Variants in CDH13 observed in about 807,000 individuals in gnomAD.
The protein encoded by CDH13 is cadherin-13.
In CDH13, 24 loss-of-function variants were observed where a neutral mutation model predicts 63.8. That is an observed-to-expected ratio of 0.38 (90% CI 0.27 to 0.53). The LOEUF (loss-of-function observed/expected upper bound fraction) is 0.53, where lower values mean the gene tolerates loss of function less well. Ranked by LOEUF, CDH13 falls within the 20% of genes least tolerant of loss-of-function variation. The pLI is 0.85. For synonymous variants in CDH13, 503 were observed against 355.3 expected (o/e 1.42, Z -4.67); for missense variants, 1,049 against 903.1 (o/e 1.16, Z -2.07).
intron 10 of CDH13, among the ~76,000 whole-genome samples, chr16:83,698,873 A>G (rs1655039734): frequency 6.6e-6 from 1 of 152,240 alleles, no homozygotes; most frequent in Non-Finnish European, 1.5e-5. Context: ...AAGCTGCCAC[A>G]TCTGTGAATA....
At chr16:82,825,666 C>A (rs1408679033) in intron 1 of CDH13, 1 of 151,840 alleles carries the variant, frequency 6.6e-6, no homozygotes, top group Non-Finnish European at 1.5e-5. Context: ...CTGCCTCAGC[C>A]TCCCAAATAG....
At chr16:83,637,190 C>G (rs1261093836) in intron 8 of CDH13, among the ~76,000 whole-genome samples, 2 of 152,128 alleles carry the variant, frequency 1.3e-5, no homozygotes, top group East Asian at 3.9e-4. Context: ...AAACATAACT[C>G]ATTTCCATTG....
rs1183025177 is a variant in CDH13, at chr16:83,798,323, G to T, written c.*3293G>T. ...GCACCCAGGCACGAGCTCTCCAGAT[G>T]ATTCTGAGGAAAGGAGTCTACAATT... On this transcript the variant is annotated 3_prime_UTR_variant, in exon 14 of 14. Transcript: ENST00000567109. The T allele has an allele frequency of 6.6e-6, 1 of 152,210 alleles. No individual in the cohort carries two copies. The highest frequency in any genetic ancestry group is 2.4e-5 in the African/African-American group (1 of 41,438). 9.4% of individuals were successfully genotyped at this position (152,210 alleles called of 1,614,324 possible).
At chr16:83,237,287 C>T (rs1266278090) in intron 5 of CDH13, among the ~76,000 whole-genome samples, 1 of 152,184 alleles carries the variant, frequency 6.6e-6, no homozygotes, top group Non-Finnish European at 1.5e-5. Context: ...ACGGTCACAG[C>T]CTAGTGACCC....
chr16:82,790,552 T>C (rs1264465492), intron 1 of CDH13, among the ~76,000 whole-genome samples: 1 of 152,118 alleles, frequency 6.6e-6, no homozygotes, highest in Non-Finnish European at 1.5e-5. Flanking sequence ...CAAGTGAAAA[T>C]AAAGCATATC....
intron 2 of CDH13, among the ~76,000 whole-genome samples, chr16:82,916,410 C>T (rs2151273509): frequency 6.6e-6 from 1 of 152,158 alleles, no homozygotes; most frequent in East Asian, 1.9e-4. Context: ...CCCGTCTCTA[C>T]TAAAAATACA....
At chr16:83,320,839 C>T (rs1017763602) in intron 5 of CDH13, among the ~76,000 whole-genome samples, 2 of 152,036 alleles carry the variant, frequency 1.3e-5, no homozygotes, top group East Asian at 1.9e-4. Flanking sequence ...GCTTAGGCTA[C>T]GAGAGTTGGA....
intron 7 of CDH13, among the ~76,000 whole-genome samples, chr16:83,548,409 C>T (rs896507817): frequency 2.0e-5 from 3 of 152,130 alleles, no homozygotes; most frequent in Non-Finnish European, 4.4e-5. Flanking sequence ...TCCTACAATG[C>T]AAAGGGCAGC....
chr16:83,716,399 A>C (rs1382105875), intron 10 of CDH13, among the ~76,000 whole-genome samples: 1 of 152,188 alleles, frequency 6.6e-6, no homozygotes, highest in Non-Finnish European at 1.5e-5. Flanking sequence ...TCAGAACTCT[A>C]AATATCCCGT....
intron 4 of CDH13, among the ~76,000 whole-genome samples, chr16:83,209,295 C>T (rs1334547799): frequency 2.6e-5 from 4 of 152,178 alleles, no homozygotes; most frequent in Non-Finnish European, 4.4e-5. Context: ...TTCCATGGGA[C>T]AGGCCAGGGG....
chr16:82,633,331 T>TA (rs1176362000), intron 1 of CDH13, among the ~76,000 whole-genome samples: 2 of 152,364 alleles, frequency 1.3e-5, no homozygotes, highest in Middle Eastern at 6.8e-3. Context: ...ACTGCTCTAA[T>TA]ATTCAGCACC....
chr16:83,741,798 C>T (rs3784975), intron 10 of CDH13, among the ~76,000 whole-genome samples: 52,317 of 145,960 alleles, frequency 0.36, 10,098 homozygotes, highest in Middle Eastern at 0.49. Flanking sequence ...GGTCCCCAAC[C>T]CCTGGGCCAC....
At chr16:83,584,983 T>C (rs774002179) in intron 7 of CDH13, among the ~76,000 whole-genome samples, 28 of 152,094 alleles carry the variant, frequency 1.8e-4, no homozygotes, top group Non-Finnish European at 4.1e-4. Flanking sequence ...CAATGAAAGC[T>C]CTGCCCCAAG....
At chr16:83,414,155 A>G (rs1030056192) in intron 6 of CDH13, among the ~76,000 whole-genome samples, 3 of 152,168 alleles carry the variant, frequency 2.0e-5, no homozygotes, top group African/African-American at 7.2e-5. Context: ...TCTCATTCCT[A>G]CATCCAATAG....
intron 8 of CDH13, among the ~76,000 whole-genome samples, chr16:83,609,836 C>T (rs907721498): frequency 1.3e-4 from 20 of 152,126 alleles, no homozygotes; most frequent in Non-Finnish European, 1.6e-4. Context: ...ACATTTTCAT[C>T]GTCCCAAAAA....
chr16:83,340,788 T>G (rs2151357017), intron 5 of CDH13, among the ~76,000 whole-genome samples: 1 of 152,310 alleles, frequency 6.6e-6, no homozygotes, highest in South Asian at 2.1e-4. Flanking sequence ...CTACCTACTA[T>G]GGAATTAGTT....
chr16:83,150,370 C>G (rs142538710), intron 4 of CDH13, among the ~76,000 whole-genome samples: 1 of 152,264 alleles, frequency 6.6e-6, no homozygotes, highest in African/African-American at 2.4e-5. Context: ...TATCCCTACC[C>G]ACTTTTCTCT....
intron 1 of CDH13, among the ~76,000 whole-genome samples, chr16:82,766,752 T>C (rs1293248370): frequency 6.6e-6 from 1 of 152,196 alleles, no homozygotes. Flanking sequence ...TGCTTTCTTC[T>C]CAGCATTCCT....
intron 1 of CDH13, among the ~76,000 whole-genome samples, chr16:82,718,475 G>T (rs139712487): frequency 6.6e-6 from 1 of 152,192 alleles, no homozygotes; most frequent in African/African-American, 2.4e-5. Context: ...GGATGGTGAA[G>T]AAGAAGGAGA....
Sources: allele counts gnomAD v4.1 joint callset (sites outside exome capture counted in the v4.1 genomes callset), GRCh38; gene constraint gnomAD v4.1.1; transcripts MANE v1.5; gene names NCBI Gene and HGNC (gene_info 2026-07-23, HGNC 2026-07-21).